GABBR1: variants seen among roughly 807,000 people sequenced by gnomAD.
The protein encoded by GABBR1 is GABA-B receptor, R1 subunit.
In GABBR1, 35 loss-of-function variants were observed where a neutral mutation model predicts 117.7. The observed-to-expected ratio is 0.30, with a 90% CI of 0.23 to 0.39. The LOEUF is 0.39. GABBR1 is among the 10% of genes least tolerant of loss of function. GABBR1 has a pLI of 1.00. For synonymous variants in GABBR1, 442 were observed against 486.6 expected, an observed-to-expected ratio of 0.91 and a Z score of 1.21; for missense variants, 709 against 1,241.8, an observed-to-expected ratio of 0.57 and a Z score of 6.45.
chr6:29,618,676 C>T (rs1328983600), intron 11 of GABBR1, among the ~76,000 whole-genome samples: 2 of 152,184 alleles, frequency 1.3e-5, no homozygotes, highest in Non-Finnish European at 2.9e-5. Context: ...ACATTCCCCT[C>T]TAGCCCACAG....
chr6:29,607,317 C>T lies in GABBR1; in HGVS notation c.1993-99G>A, dbSNP rs1048291573. On this transcript the variant is annotated intron_variant, in intron 16 of 22. Coordinates refer to ENST00000377034, the MANE Select transcript of GABBR1 (RefSeq NM_001470.4). The surrounding 1 kb of genome is among the most constrained non-coding windows in gnomAD (Gnocchi z 5.0). ...CCTAAGGGAGAGTGGGCAGGGAGCA[C>T]GGGCAGGGAGCTCATGGTGGCACAG... The T allele has an allele frequency of 5.2e-5, 49 of 933,566 alleles. No homozygotes were observed. The highest frequency in any genetic ancestry group is 4.7e-4 in the African/African-American group (29 of 61,590). The allele number at this position is 933,566 out of a possible 1,614,324, so 57.8% of individuals were successfully genotyped here. A position where few individuals can be genotyped will look rare whatever the true frequency, so the allele number is the denominator to read the frequency against.
In GABBR1 at chr6:29,622,830, CCT is replaced by C. The variant is rs929386907; in HGVS notation, c.963+473_963+474del. Among the ~76,000 whole-genome samples, 2 of 151,694 alleles carry C rather than the reference CCT, an allele frequency of 1.3e-5. No individual in the cohort carries two copies. The highest frequency in any genetic ancestry group is 4.8e-5 in the African/African-American group (2 of 41,272). On this transcript the variant is annotated intron_variant, in intron 8 of 22. Coordinates refer to ENST00000377034, the MANE Select transcript of GABBR1 (RefSeq NM_001470.4). The surrounding 1 kb of genome is among the most constrained non-coding windows in gnomAD (Gnocchi z 4.6). ...AGATCCATGCAGCTGCCTTTCTGCCCCTCTCTCTCCTCTCCCTCATTCCTCTC... is the reference window on the plus strand; with the variant it reads ...AGATCCATGCAGCTGCCTTTCTGCCCCTCTCTCCTCTCCCTCATTCCTCTC...
intron 5 of GABBR1, chr6:29,628,128 G>A (rs1313059501): frequency 2.4e-6 from 1 of 414,380 alleles, no homozygotes; most frequent in Non-Finnish European, 3.1e-6. Context: ...GAGCTGGGGA[G>A]GCAGGAAGGG....
In GABBR1 at chr6:29,604,497, A is replaced by G; in HGVS notation, c.2709T>C (p.Ala903=). 6.2e-7 allele frequency: 1 copy of G among 1,613,216 alleles called. No individual in the cohort carries two copies. Among genetic ancestry groups the G allele is most frequent in the Non-Finnish European group, 8.5e-7 (1 of 1,179,994 alleles). Residue 903 remains alanine (A), a synonymous_variant, in exon 22 of 23, where the codon GCT becomes GCC. Transcript: ENST00000377034. The surrounding 1 kb of genome is among the most constrained non-coding windows in gnomAD (Gnocchi z 5.3). The part of the protein sequence containing the change: ...KENRELEKII[A]EKEERVSELR... ...ACCCTGACACCCACCCCCGCACCTC[A>G]GCAATGATCTTTTCCAGTTCACGGT...
rs1346243174 is a variant in GABBR1, at chr6:29,632,485, C to T, written c.1-100G>A. 9.2e-7 allele frequency: 1 copy of T among 1,083,220 alleles called. No individual in the cohort carries two copies. The highest frequency in any genetic ancestry group is 1.7e-5 in the African/African-American group (1 of 59,906). The allele number at this position is 1,083,220 out of a possible 1,614,324, so 67.1% of individuals were successfully genotyped here. A position where few individuals can be genotyped will look rare whatever the true frequency, so the allele number is the denominator to read the frequency against. The stretch of plus-strand genomic sequence containing the variant: ...TTGCCGGTTGCCTCGCAGGCTCCGA[C>T]CGGGCTCAGCCTGGGGACCAAGAGA... On this transcript the variant is annotated intron_variant, in intron 1 of 22. Transcript: ENST00000377034. The surrounding 1 kb of genome is among the most constrained non-coding windows in gnomAD (Gnocchi z 5.8).
intron 5 of GABBR1, among the ~76,000 whole-genome samples, chr6:29,628,556 A>T (rs574333628): frequency 6.6e-6 from 1 of 151,898 alleles, no homozygotes; most frequent in South Asian, 2.1e-4. Context: ...GGTAGACAGA[A>T]GCCTAAGAAA....
intron 5 of GABBR1, among the ~76,000 whole-genome samples, 177 bp downstream of exon 5, chr6:29,628,910 G>A (rs1764661176): frequency 6.6e-6 from 1 of 151,704 alleles, no homozygotes; most frequent in Non-Finnish European, 1.5e-5. Flanking sequence ...GTGGAAAACC[G>A]GGACTGGAGG....
At position 29,603,519 on chromosome 6, in the gene GABBR1, G is replaced by A. The variant is rs1216122162; in HGVS notation, c.*24C>T. 5 of 1,541,032 alleles carry A rather than the reference G, an allele frequency of 3.2e-6. No homozygotes were observed. The highest frequency in any genetic ancestry group is 4.4e-6 in the Non-Finnish European group (5 of 1,141,314). On this transcript the variant is annotated 3_prime_UTR_variant, in exon 23 of 23. Transcript: ENST00000377034. ...CCCTCTCCCTTTCCCTCCCCCTACT[G>A]GCCTGTCCTCCCTCACCCTACCCTC...
Position 29,609,717 on chromosome 6 carries a change from A to T in GABBR1, c.1709-338T>A, listed in dbSNP as rs1762344166. On this transcript the variant is annotated intron_variant, in intron 14 of 22. Transcript: ENST00000377034. The surrounding 1 kb of genome is among the most constrained non-coding windows in gnomAD (Gnocchi z 4.3). Reference sequence around the variant, plus strand: ...TCTGTCTTTCTTACAGCAAAGGAAAATGGGAGGAGAAAGAAGGGGATCATT... The same window carrying T: ...TCTGTCTTTCTTACAGCAAAGGAAATTGGGAGGAGAAAGAAGGGGATCATT... Among the ~76,000 whole-genome samples, 1 of 152,130 alleles carries T rather than the reference A, an allele frequency of 6.6e-6. No individual in the cohort carries two copies. Among genetic ancestry groups the T allele is most frequent in the Non-Finnish European group, 1.5e-5 (1 of 68,026 alleles).
At position 29,604,540 on chromosome 6, in the gene GABBR1, C is replaced by T. The variant is rs1761748529; in HGVS notation, c.2666G>A (p.Arg889Gln). 3 of 1,613,184 alleles carry T rather than the reference C, an allele frequency of 1.9e-6. No homozygotes were observed. The highest frequency in any genetic ancestry group is 1.7e-6 in the Non-Finnish European group (2 of 1,180,044). ...TTCACGGTTCTCCTTCTCCAACAGC[C>T]GGGACTTCTCCTCCTCGTTGTTGTT... ...STNNNEEEKS[R>Q]LLEKENRELE... Residue 889 changes from arginine (R) to glutamine (Q), a missense_variant, in exon 22 of 23, where the codon CGG (arginine) becomes CAG (glutamine). Coordinates refer to ENST00000377034, the MANE Select transcript of GABBR1 (RefSeq NM_001470.4). This position sits in a 1 kb window ranked among gnomAD's most constrained non-coding sequence, Gnocchi z 5.3.
In GABBR1 at chr6:29,627,465, C is replaced by A; in HGVS notation, c.657+21G>T. 1 of 1,546,982 alleles carries A rather than the reference C, an allele frequency of 6.5e-7. No individual in the cohort carries two copies. Among genetic ancestry groups the A allele is most frequent in the East Asian group, 2.4e-5 (1 of 41,740 alleles). On this transcript the variant is annotated intron_variant, in intron 6 of 22. Coordinates refer to ENST00000377034, the MANE Select transcript of GABBR1 (RefSeq NM_001470.4). This position sits in a 1 kb window ranked among gnomAD's most constrained non-coding sequence, Gnocchi z 4.4. ...GCCCCGCAAGCCCCCACCTCCCACC[C>A]ACCCCCATGTCCAGGGCTACCTTGC...
In GABBR1 at chr6:29,602,689, A is replaced by G. The variant is rs753500284; in HGVS notation, c.*854T>C. 5 of 319,982 alleles carry G rather than the reference A, an allele frequency of 1.6e-5. No homozygotes were observed. The highest frequency in any genetic ancestry group is 3.0e-5 in the Non-Finnish European group (5 of 165,814). The allele number at this position is 319,982 out of a possible 1,614,324, so 19.8% of individuals were successfully genotyped here. On this transcript the variant is annotated 3_prime_UTR_variant, in exon 23 of 23. Transcript: ENST00000377034. ...TTTAAGGGAAGAAAGTACACAAGGT[A>G]CATGGAGGGTACACAGGGAAAGTAC...
In GABBR1 at chr6:29,632,250, G is replaced by A; in HGVS notation, c.85+51C>T. The A allele has an allele frequency of 9.2e-7, 1 of 1,087,456 alleles. No homozygotes were observed. Among genetic ancestry groups the A allele is most frequent in the Non-Finnish European group, 1.3e-6 (1 of 797,134 alleles). 67.4% of individuals were successfully genotyped at this position (1,087,456 alleles called of 1,614,324 possible). ...AGGACCAGAAATGAGGAGATGCAGG[G>A]AAAGGGAAGTGGAGCGAAGGAGGGC... On this transcript the variant is annotated intron_variant, in intron 2 of 22. Coordinates refer to ENST00000377034, the MANE Select transcript of GABBR1 (RefSeq NM_001470.4). This position sits in a 1 kb window ranked among gnomAD's most constrained non-coding sequence, Gnocchi z 5.8.
In GABBR1 at chr6:29,605,524, G is replaced by A; in HGVS notation, c.2439+45C>T. 6.2e-7 allele frequency: 1 copy of A among 1,606,244 alleles called. No individual in the cohort carries two copies. The highest frequency in any genetic ancestry group is 2.2e-5 in the East Asian group (1 of 44,790). ...CTTCCTAGTCCTCTATATCTGGGCT[G>A]CTGTGGTCAGCCTACAGGGTCAATG... is the stretch of plus-strand genomic sequence containing the variant. On this transcript the variant is annotated intron_variant, in intron 20 of 22. Transcript: ENST00000377034. This position sits in a 1 kb window ranked among gnomAD's most constrained non-coding sequence, Gnocchi z 4.2.
chr6:29,603,600 A>AG lies in GABBR1; in HGVS notation c.2828dup (p.Glu944Ter). 5 of 1,587,438 alleles carry AG rather than the reference A, an allele frequency of 3.1e-6. No homozygotes were observed. Among genetic ancestry groups the AG allele is most frequent in the Non-Finnish European group, 2.6e-6 (3 of 1,168,648 alleles). The stretch of plus-strand genomic sequence containing the variant: ...CACAGCTAAGCCGGTCGGGGGGCTC[A>AG]GGGGGTCCCCTGGGCAGGCCCCCAG... On this transcript the variant is annotated frameshift_variant, in exon 23 of 23. Transcript: ENST00000377034. LOFTEE classifies it high-confidence loss of function.
At position 29,622,299 on chromosome 6, in the gene GABBR1, A is replaced by C; in HGVS notation, c.964-94T>G. 1.2e-6 allele frequency: 1 copy of C among 811,354 alleles called. No homozygotes were observed. The highest frequency in any genetic ancestry group is 2.1e-6 in the Non-Finnish European group (1 of 477,746). 50.3% of individuals were successfully genotyped at this position (811,354 alleles called of 1,614,324 possible). A position where few individuals can be genotyped will look rare whatever the true frequency, so the allele number is the denominator to read the frequency against. On this transcript the variant is annotated intron_variant, in intron 8 of 22. Transcript: ENST00000377034. This position sits in a 1 kb window ranked among gnomAD's most constrained non-coding sequence, Gnocchi z 4.6. ...AACTGGGGATTTCAGAGCAATACTC[A>C]GATAGAGCAAAGAAGCAGCCATTCT...
At position 29,621,682 on chromosome 6, in the gene GABBR1, G is replaced by A. The variant is rs1763760946; in HGVS notation, c.1131+70C>T. ...CTATCAACTCAGGCACAGATGCCAA[G>A]AGGAGGCCCCACAAGAAAACCAAGG... On this transcript the variant is annotated intron_variant, in intron 10 of 22. Coordinates refer to ENST00000377034, the MANE Select transcript of GABBR1 (RefSeq NM_001470.4). The surrounding 1 kb of genome is among the most constrained non-coding windows in gnomAD (Gnocchi z 5.0). The A allele has an allele frequency of 7.5e-7, 1 of 1,328,366 alleles. No homozygotes were observed. The highest frequency in any genetic ancestry group is 1.4e-5 in the African/African-American group (1 of 69,158). The allele number at this position is 1,328,366 out of a possible 1,614,324, so 82.3% of individuals were successfully genotyped here.
Position 29,632,419 on chromosome 6 carries a change from G to T in GABBR1, c.1-34C>A. 7.5e-7 allele frequency: 1 copy of T among 1,331,544 alleles called. No individual in the cohort carries two copies. The highest frequency in any genetic ancestry group is 1.9e-5 in the South Asian group (1 of 51,764). The allele number at this position is 1,331,544 out of a possible 1,614,324, so 82.5% of individuals were successfully genotyped here. On this transcript the variant is annotated intron_variant, in intron 1 of 22. Transcript: ENST00000377034. This position sits in a 1 kb window ranked among gnomAD's most constrained non-coding sequence, Gnocchi z 5.8. Reference sequence around the variant, plus strand: ...GAGGCGGCCATGAGGACTGGACCGAGCCCCGCCGGCGCGGCCCGCACCCGG... The same window carrying T: ...GAGGCGGCCATGAGGACTGGACCGATCCCCGCCGGCGCGGCCCGCACCCGG...
chr6:29,615,952 A>C (rs1233382), intron 11 of GABBR1, among the ~76,000 whole-genome samples: 5 of 152,208 alleles, frequency 3.3e-5, no homozygotes, highest in Non-Finnish European at 7.3e-5. Flanking sequence ...CTGTAATCCC[A>C]GCACTTTGGG....
Sources: gnomAD v4.1 joint callset for allele counts (sites outside exome capture counted in the v4.1 genomes callset) on GRCh38, gnomAD v4.1.1 for gene constraint, Gnocchi (gnomAD v3.1) non-coding constraint, MANE v1.5 for transcripts, NCBI Gene and HGNC (gene_info 2026-07-23, HGNC 2026-07-21) for gene names.